Variants in FRYL observed in about 807,000 individuals in gnomAD.
The protein encoded by FRYL is FRY like transcription coactivator, also known as protein furry homolog-like.
A neutral mutation model predicts 351.2 loss-of-function variants in FRYL; 150 were observed. That is an observed-to-expected ratio of 0.43 (90% CI 0.37 to 0.49). FRYL has a LOEUF of 0.49. FRYL is among the 20% of genes least tolerant of loss of function. The pLI is 0.00. For synonymous variants in FRYL, 1,153 were observed against 1,257.1 expected (o/e 0.92, Z 1.75); for missense variants, 3,036 against 3,619.3 (o/e 0.84, Z 4.13).
At chr4:48,501,145 G>C (rs560159182) in intron 62 of FRYL, among the ~76,000 whole-genome samples, 4 of 150,714 alleles carry the variant, frequency 2.7e-5, no homozygotes, top group African/African-American at 7.3e-5. Flanking sequence ...AGGGAGGGGG[G>C]TTGATGATAC....
Position 48,575,149 on chromosome 4 carries a change from T to G in FRYL, c.2814A>C (p.Leu938=). ...ESMEITESLV[L]GLGRTNPGAF... Reference sequence around the variant, plus strand: ...CTCCTGGGTTGGTCCTGCCAAGACCTAGAACAAGGGATTCTGTGATTTCCA... The same window carrying G: ...CTCCTGGGTTGGTCCTGCCAAGACCGAGAACAAGGGATTCTGTGATTTCCA... The change falls in exon 25 of 64, where the codon CTA becomes CTC. Residue 938 remains leucine (L), a synonymous_variant. Transcript: ENST00000358350. 1 of 1,613,914 alleles carries G rather than the reference T, an allele frequency of 6.2e-7. No individual in the cohort carries two copies. Among genetic ancestry groups the G allele is most frequent in the Non-Finnish European group, 8.5e-7 (1 of 1,179,788 alleles).
Position 48,528,290 on chromosome 4 carries a change from C to T in FRYL, c.6950G>A (p.Gly2317Glu), listed in dbSNP as rs1726719415. The T allele has an allele frequency of 6.2e-7, 1 of 1,613,252 alleles. No homozygotes were observed. Among genetic ancestry groups the T allele is most frequent in the Non-Finnish European group, 8.5e-7 (1 of 1,179,520 alleles). The part of the protein sequence containing the change: ...NKYGDQHSAA[G>E]RNGKPKVIAV... ...AATAACTTTTGGTTTCCCATTTCTT[C>T]CAGCCGCACTGTGCTGATCACCATA... Residue 2317 changes from glycine to glutamate, a missense_variant, in exon 51 of 64, where the codon GGA becomes GAA. This residue lies in a region of FRYL where 1,987 missense variants were observed against 2,311.7 expected (regional missense o/e 0.86). Transcript: ENST00000358350.
intron 2 of FRYL, among the ~76,000 whole-genome samples, chr4:48,695,513 G>A (rs1170028301): frequency 2.0e-5 from 3 of 151,390 alleles, no homozygotes; most frequent in Non-Finnish European, 4.4e-5. Flanking sequence ...TTTGTATGTG[G>A]GTACAATGTA....
intron 10 of FRYL, 69 bp from the exon 11 acceptor site, chr4:48,605,902 T>A: frequency 1.1e-6 from 1 of 945,698 alleles, no homozygotes; most frequent in Non-Finnish European, 1.6e-6. Flanking sequence ...TAATATCACA[T>A]CATTTTGTGA....
intron 60 of FRYL, among the ~76,000 whole-genome samples, chr4:48,504,528 C>T (rs1274825792): frequency 1.3e-5 from 2 of 152,100 alleles, no homozygotes; most frequent in Non-Finnish European, 2.9e-5. Context: ...CCAAAGGATT[C>T]TGGTCTAGGG....
At chr4:48,514,962 A>G in intron 56 of FRYL, 66 bp downstream of exon 56, 1 of 1,343,654 alleles carries the variant, frequency 7.4e-7, no homozygotes, top group East Asian at 2.3e-5. Flanking sequence ...ACAGAGGGGC[A>G]CTCTTTGGAA....
At chr4:48,761,438 C>T (rs562339060) in intron 1 of FRYL, among the ~76,000 whole-genome samples, 1 of 152,258 alleles carries the variant, frequency 6.6e-6, no homozygotes, top group South Asian at 2.1e-4. Context: ...ATGCACTACT[C>T]ATGTGTCTGA....
chr4:48,626,303 T>C (rs770699753), intron 4 of FRYL, among the ~76,000 whole-genome samples: 22 of 151,290 alleles, frequency 1.5e-4, no homozygotes, highest in Non-Finnish European at 2.9e-4. Flanking sequence ...CATATGTTTA[T>C]ATTTAAGTTT....
intron 16 of FRYL, among the ~76,000 whole-genome samples, chr4:48,591,113 G>A (rs1202274503): frequency 6.6e-6 from 1 of 151,928 alleles, no homozygotes; most frequent in Non-Finnish European, 1.5e-5. Flanking sequence ...ATCCTTCTAT[G>A]GTCCCGTCCC....
chr4:48,646,299 C>T (rs1318814137), intron 3 of FRYL, among the ~76,000 whole-genome samples: 2 of 152,148 alleles, frequency 1.3e-5, no homozygotes, highest in Non-Finnish European at 2.9e-5. Context: ...CTGGGAAGAA[C>T]AGGTCTGACA....
chr4:48,770,422 C>CT (rs1388579831), intron 1 of FRYL, among the ~76,000 whole-genome samples: 3 of 151,684 alleles, frequency 2.0e-5, no homozygotes, highest in African/African-American at 7.3e-5. Context: ...TTGTTAATGT[C>CT]TTTTTTATTT....
intron 4 of FRYL, among the ~76,000 whole-genome samples, chr4:48,631,462 T>C (rs998734575): frequency 3.9e-5 from 6 of 152,042 alleles, no homozygotes; most frequent in Non-Finnish European, 2.9e-5. Flanking sequence ...TTATTATTAT[T>C]AGAAAAACAA....
Position 48,521,121 on chromosome 4 carries a change from T to C in FRYL, c.7616A>G (p.Glu2539Gly), listed in dbSNP as rs1419241299. The C allele has an allele frequency of 6.2e-7, 1 of 1,613,822 alleles. No individual in the cohort carries two copies. The change falls in exon 55 of 64, where the codon GAA becomes GGA. Residue 2539 changes from glutamate (E) to glycine (G), a missense_variant. Physicochemically the swap from Glu to Gly is moderately conservative, Grantham distance 98. This residue lies in a region of FRYL where 1,987 missense variants were observed against 2,311.7 expected (regional missense o/e 0.86). Coordinates refer to ENST00000358350, the MANE Select transcript of FRYL (RefSeq NM_015030.2). The part of the protein sequence containing the change: ...EDSTGSITTE[E>G]VLQIRDETPT... ...GGTCTCATCCCTGATTTGAAGCACT[T>C]CCTCTGTTGTGATGCTGCCAGTGGA...
chr4:48,652,723 T>C (rs1437862831), intron 3 of FRYL, among the ~76,000 whole-genome samples: 1 of 152,220 alleles, frequency 6.6e-6, no homozygotes, highest in Non-Finnish European at 1.5e-5. Flanking sequence ...TCATATTATT[T>C]GCTTAAAAAA....
intron 2 of FRYL, among the ~76,000 whole-genome samples, chr4:48,702,472 A>AG (rs1766845399): frequency 1.6e-5 from 2 of 128,070 alleles, no homozygotes; most frequent in East Asian, 4.2e-4. Flanking sequence ...AAAAAAAAAA[A>AG]AAAAAAAAAA....
Position 48,557,600 on chromosome 4 carries a change from T to C in FRYL, c.3978A>G (p.Thr1326=). 6.2e-7 allele frequency: 1 copy of C among 1,614,222 alleles called. No homozygotes were observed. The highest frequency in any genetic ancestry group is 8.5e-7 in the Non-Finnish European group (1 of 1,180,044). ...IELVDLKPLP[T]ARRHDEDEDD... is the part of the protein sequence containing the mutation. ...CTTCATCTTCATCATGTCGCCTTGC[T>C]GTGGGGAGAGGTTTTAAGTCCACCA... Residue 1326 remains threonine, a synonymous_variant, in exon 34 of 64, where the codon ACA becomes ACG. Transcript: ENST00000358350.
At chr4:48,599,189 T>TG (rs879643713) in intron 13 of FRYL, among the ~76,000 whole-genome samples, 14 of 152,314 alleles carry the variant, frequency 9.2e-5, no homozygotes, top group Middle Eastern at 3.4e-3. Flanking sequence ...TATAGATTGT[T>TG]GAAAAAAATC....
At chr4:48,506,666 A>G (rs1721106109) in intron 59 of FRYL, 1 of 103,048 alleles carries the variant, frequency 9.7e-6, no homozygotes, top group African/African-American at 3.7e-5. Flanking sequence ...ATATATATAT[A>G]TATGAAATCA....
intron 1 of FRYL, among the ~76,000 whole-genome samples, chr4:48,732,570 T>A (rs1249552669): frequency 2.0e-5 from 3 of 152,102 alleles, no homozygotes; most frequent in Middle Eastern, 6.3e-3. Flanking sequence ...ATGTGGCACA[T>A]ATACACCATG....
Sources: gnomAD v4.1 joint callset for allele counts (sites outside exome capture counted in the v4.1 genomes callset) on GRCh38, gnomAD v4.1.1 for gene constraint, gnomAD v4.1.1 regional missense constraint, MANE v1.5 for transcripts, NCBI Gene and HGNC (gene_info 2026-07-23, HGNC 2026-07-21) for gene names.